IQGAP2: variants seen among roughly 807,000 people sequenced by gnomAD.
IQGAP2 encodes the protein IQ motif containing GTPase activating protein 2.
A neutral mutation model predicts 201.3 loss-of-function variants in IQGAP2; 173 were observed. The observed-to-expected ratio is 0.86, with a 90% CI of 0.76 to 0.98. The LOEUF (loss-of-function observed/expected upper bound fraction) is 0.98. Ranked by LOEUF, IQGAP2 falls within the 50% of genes least tolerant of loss-of-function variation. IQGAP2 has a pLI of 0.00. For missense variants in IQGAP2, 1,687 were observed against 1,864.8 expected, an observed-to-expected ratio of 0.90 and a Z score of 1.76; for synonymous variants, 675 against 673.9, an observed-to-expected ratio of 1.00 and a Z score of -0.03.
intron 18 of IQGAP2, among the ~76,000 whole-genome samples, chr5:76,653,324 ACT>A (rs1251848407): frequency 8.5e-5 from 13 of 152,272 alleles, no homozygotes; most frequent in African/African-American, 3.1e-4. Context: ...TGTGATGTCC[ACT>A]CTCATGGATC....
chr5:76,662,622 C>T (rs1743357487), intron 21 of IQGAP2, among the ~76,000 whole-genome samples: 1 of 152,132 alleles, frequency 6.6e-6, no homozygotes, highest in Non-Finnish European at 1.5e-5. Context: ...ATACATGTCG[C>T]CAGCTATCTG....
chr5:76,618,215 G>A, intron 13 of IQGAP2: 2 of 1,614,150 alleles, frequency 1.2e-6, no homozygotes, highest in African/African-American at 2.7e-5. Context: ...CCCGGCACAG[G>A]ACCTCTCCAA....
chr5:76,457,266 C>A (rs535025028), intron 1 of IQGAP2, among the ~76,000 whole-genome samples: 2 of 151,994 alleles, frequency 1.3e-5, no homozygotes, highest in Non-Finnish European at 2.9e-5. Context: ...TGGGAGCTAC[C>A]CCAGCCGGAC....
At chr5:76,566,945 G>C (rs1242642766) in intron 3 of IQGAP2, among the ~76,000 whole-genome samples, 2 of 151,960 alleles carry the variant, frequency 1.3e-5, no homozygotes, top group African/African-American at 4.8e-5. Flanking sequence ...AAGCAGACTG[G>C]GGCAGGCAGG....
chr5:76,548,068 T>C (rs1476003348), intron 2 of IQGAP2, among the ~76,000 whole-genome samples: 1 of 152,222 alleles, frequency 6.6e-6, no homozygotes, highest in Non-Finnish European at 1.5e-5. Context: ...TGAGGACCTG[T>C]TGCATGCTGG....
intron 2 of IQGAP2, among the ~76,000 whole-genome samples, chr5:76,513,802 T>C (rs1758134847): frequency 6.6e-6 from 1 of 152,086 alleles, no homozygotes; most frequent in Admixed American, 6.5e-5. Context: ...TTCATCAAAA[T>C]ACAGAATGTG....
chr5:76,593,583 A>C (rs1421834929), intron 9 of IQGAP2, among the ~76,000 whole-genome samples: 1 of 152,242 alleles, frequency 6.6e-6, no homozygotes, highest in Non-Finnish European at 1.5e-5. Context: ...TTTTTTTATT[A>C]GTCTTTTCTC....
intron 33 of IQGAP2, 21 bp from the exon 34 acceptor site, chr5:76,701,055 G>A: frequency 6.2e-7 from 1 of 1,613,010 alleles, no homozygotes; most frequent in Non-Finnish European, 8.5e-7. Context: ...AACAACAAAT[G>A]TTCTGTTCTT....
chr5:76,601,297 G>A (rs1471420387), intron 11 of IQGAP2, among the ~76,000 whole-genome samples: 1 of 152,232 alleles, frequency 6.6e-6, no homozygotes, highest in African/African-American at 2.4e-5. Flanking sequence ...GAATGTAGAA[G>A]AGTTGGAAGC....
intron 2 of IQGAP2, among the ~76,000 whole-genome samples, chr5:76,498,833 A>AT (rs1757124653): frequency 6.6e-6 from 1 of 152,202 alleles, no homozygotes; most frequent in African/African-American, 2.4e-5. Flanking sequence ...GGAAGAGACA[A>AT]TGTTGATACA....
chr5:76,490,565 T>G (rs1295390510), intron 2 of IQGAP2, among the ~76,000 whole-genome samples: 1 of 152,170 alleles, frequency 6.6e-6, no homozygotes, highest in Non-Finnish European at 1.5e-5. Flanking sequence ...GAATGAAAGA[T>G]TCAACAATAA....
intron 2 of IQGAP2, among the ~76,000 whole-genome samples, chr5:76,529,423 T>A (rs962476871): frequency 6.6e-6 from 1 of 151,480 alleles, no homozygotes; most frequent in Non-Finnish European, 1.5e-5. Flanking sequence ...AGGTCAGGAG[T>A]TCGAGATCAG....
chr5:76,565,400 C>G (rs1016212830), intron 3 of IQGAP2, among the ~76,000 whole-genome samples: 3 of 152,316 alleles, frequency 2.0e-5, no homozygotes, highest in Admixed American at 6.5e-5. Context: ...TGTGCTACCC[C>G]CTTCTCTTTG....
chr5:76,601,825 G>A (rs1747449433), intron 11 of IQGAP2, among the ~76,000 whole-genome samples: 1 of 152,188 alleles, frequency 6.6e-6, no homozygotes, highest in South Asian at 2.1e-4. Context: ...TGTCTATGTA[G>A]TGAATGGCCA....
chr5:76,439,947 T>C (rs1302424396), intron 1 of IQGAP2, among the ~76,000 whole-genome samples: 3 of 152,238 alleles, frequency 2.0e-5, no homozygotes, highest in Non-Finnish European at 4.4e-5. Context: ...TTATAGGCCA[T>C]GTGAGTTTTA....
chr5:76,427,435 A>G (rs1334793119), intron 1 of IQGAP2, among the ~76,000 whole-genome samples: 1 of 152,044 alleles, frequency 6.6e-6, no homozygotes, highest in African/African-American at 2.4e-5. Flanking sequence ...AAGTGAGCTG[A>G]GCTCTCCCCC....
At chr5:76,621,931 A>T (rs1250866322) in intron 13 of IQGAP2, among the ~76,000 whole-genome samples, 2 of 152,208 alleles carry the variant, frequency 1.3e-5, no homozygotes, top group African/African-American at 4.8e-5. Flanking sequence ...GAATACAGTC[A>T]TGGATTCATA....
intron 2 of IQGAP2, among the ~76,000 whole-genome samples, chr5:76,533,547 T>C (rs199593858): frequency 6.6e-6 from 1 of 151,534 alleles, no homozygotes; most frequent in Admixed American, 6.6e-5. Flanking sequence ...TATATTTTTT[T>C]ATTTTTTTCT....
At chr5:76,447,127 T>A (rs781076633) in intron 1 of IQGAP2, among the ~76,000 whole-genome samples, 4 of 152,150 alleles carry the variant, frequency 2.6e-5, no homozygotes, top group Non-Finnish European at 4.4e-5. Context: ...CCAACAGCAC[T>A]TGGGTTTTCC....
Sources: gnomAD v4.1 joint callset for allele counts (sites outside exome capture counted in the v4.1 genomes callset) on GRCh38, gnomAD v4.1.1 for gene constraint, MANE v1.5 for transcripts, NCBI Gene and HGNC (gene_info 2026-07-23, HGNC 2026-07-21) for gene names.